The following ROR1 variants were observed in gnomAD, a reference collection of about 807,000 sequenced individuals.
ROR1 encodes inactive tyrosine-protein kinase transmembrane receptor ROR1.
A neutral mutation model predicts 78.8 loss-of-function variants in ROR1; 19 were observed. The observed-to-expected ratio is 0.24, with a 90% CI of 0.17 to 0.35. ROR1 has a LOEUF of 0.35. ROR1 is among the 10% of genes least tolerant of loss of function. The probability of loss-of-function intolerance (pLI) is 1.00; values close to 1 mark genes in which losing one functional copy is unlikely to be tolerated. For missense variants in ROR1, 917 were observed against 1,177.8 expected, an observed-to-expected ratio of 0.78 and a Z score of 3.24; for synonymous variants, 386 against 433.6, an observed-to-expected ratio of 0.89 and a Z score of 1.36.
Position 64,178,062 on chromosome 1 carries a change from A to C in ROR1, c.2021A>C (p.Asp674Ala), listed in dbSNP as rs779492358. Residue 674 changes from aspartate to alanine, a missense_variant, in exon 9 of 9, where the codon GAT becomes GCT. Asp to Ala is a moderately radical substitution (Grantham distance 126, BLOSUM62 -2). Around this residue, in one of 3 missense-constraint regions of ROR1, gnomAD observed 835 missense variants for 1,069.8 expected, o/e 0.78. Coordinates refer to ENST00000371079, the MANE Select transcript of ROR1 (RefSeq NM_005012.4). This position sits in a 1 kb window ranked among gnomAD's most constrained non-coding sequence, Gnocchi z 4.3. ...TATGGCAAATTCTCTTCTGATTCAG[A>C]TATCTGGTCCTTTGGGGTTGTCTTG... ...IMYGKFSSDS[D>A]IWSFGVVLWE... is the part of the protein sequence containing the mutation. The C allele has an allele frequency of 6.2e-7, 1 of 1,614,090 alleles. No homozygotes were observed. Among genetic ancestry groups the C allele is most frequent in the Non-Finnish European group, 8.5e-7 (1 of 1,180,026 alleles).
chr1:63,959,397 G>A (rs932075915), intron 1 of ROR1, among the ~76,000 whole-genome samples: 4 of 152,124 alleles, frequency 2.6e-5, no homozygotes, highest in African/African-American at 9.7e-5. Context: ...TGTCTCTTGT[G>A]ATTTGATCCA....
At chr1:63,839,261 T>C (rs927531839) in intron 1 of ROR1, among the ~76,000 whole-genome samples, 1 of 152,202 alleles carries the variant, frequency 6.6e-6, no homozygotes, top group Non-Finnish European at 1.5e-5. Flanking sequence ...GACAGCTGAA[T>C]TGGACGGGGA....
chr1:64,127,352 A>G (rs1056223161), intron 4 of ROR1, among the ~76,000 whole-genome samples: 2 of 152,154 alleles, frequency 1.3e-5, no homozygotes, highest in African/African-American at 4.8e-5. Context: ...AGATAATGCT[A>G]CCTACCTTGA....
chr1:63,996,541 G>A (rs1646338248), intron 1 of ROR1, among the ~76,000 whole-genome samples: 1 of 152,114 alleles, frequency 6.6e-6, no homozygotes, highest in Non-Finnish European at 1.5e-5. Context: ...TGTCTTGCAG[G>A]ATGATAGTAA....
chr1:64,160,546 G>A (rs1011831279), intron 8 of ROR1, among the ~76,000 whole-genome samples: 2 of 151,938 alleles, frequency 1.3e-5, no homozygotes, highest in Non-Finnish European at 2.9e-5. Flanking sequence ...GGGCAGGGTA[G>A]GGATTCAACT....
chr1:63,775,603 A>G (rs1305805002), intron 1 of ROR1, among the ~76,000 whole-genome samples: 4 of 152,186 alleles, frequency 2.6e-5, no homozygotes, highest in African/African-American at 9.7e-5. Context: ...GTGTTTAGGA[A>G]AAGAAAAAGT....
At chr1:63,926,393 T>C (rs1325424651) in intron 1 of ROR1, among the ~76,000 whole-genome samples, 1 of 152,214 alleles carries the variant, frequency 6.6e-6, no homozygotes, top group Non-Finnish European at 1.5e-5. Flanking sequence ...TTGGTACCAG[T>C]ACCATGCTGT....
chr1:64,060,450 G>A (rs1451437022), intron 4 of ROR1, among the ~76,000 whole-genome samples: 1 of 152,138 alleles, frequency 6.6e-6, no homozygotes, highest in Non-Finnish European at 1.5e-5. Flanking sequence ...TTTCTGCAGA[G>A]AACAAAGTGA....
chr1:64,039,599 A>G (rs1182508278), intron 2 of ROR1, among the ~76,000 whole-genome samples: 1 of 152,216 alleles, frequency 6.6e-6, no homozygotes, highest in Non-Finnish European at 1.5e-5. Flanking sequence ...CAGAGCTGAA[A>G]GCACAACTGT....
At chr1:63,874,370 G>C (rs748381224) in intron 1 of ROR1, among the ~76,000 whole-genome samples, 28 of 152,024 alleles carry the variant, frequency 1.8e-4, no homozygotes, top group Non-Finnish European at 3.4e-4. Flanking sequence ...ATTAAGAGCT[G>C]TAATTTGTGA....
chr1:63,784,905 G>A (rs894536608), intron 1 of ROR1, among the ~76,000 whole-genome samples: 2 of 152,212 alleles, frequency 1.3e-5, no homozygotes, highest in Non-Finnish European at 2.9e-5. Flanking sequence ...AGTTCTCAGC[G>A]CCTTGTTAGG....
intron 1 of ROR1, among the ~76,000 whole-genome samples, chr1:63,812,829 T>G (rs774175901): frequency 2.0e-5 from 3 of 152,112 alleles, no homozygotes; most frequent in Non-Finnish European, 2.9e-5. Flanking sequence ...AGGGAGGAAT[T>G]ATTGATCCTA....
Position 64,179,023 on chromosome 1 carries a change from A to AC in ROR1, c.*168_*169insC. On this transcript the variant is annotated 3_prime_UTR_variant, in exon 9 of 9. Coordinates refer to ENST00000371079, the MANE Select transcript of ROR1 (RefSeq NM_005012.4). ...TACCAAGCAGGACAGACACTCGGCC[A>AC]GAAAAAAAAAAAAAAAAAAAAAACA... 23 of 134,742 alleles carry AC rather than the reference A, an allele frequency of 1.7e-4. No homozygotes were observed. The highest frequency in any genetic ancestry group is 3.0e-4 in the Admixed American group (2 of 6,772). 8.3% of individuals were successfully genotyped at this position (134,742 alleles called of 1,614,324 possible). A position where few individuals can be genotyped will look rare whatever the true frequency, so the allele number is the denominator to read the frequency against.
At chr1:64,057,855 A>G (rs189205786) in intron 4 of ROR1, among the ~76,000 whole-genome samples, 1 of 152,248 alleles carries the variant, frequency 6.6e-6, no homozygotes, top group Admixed American at 6.5e-5. Context: ...TTTTAGGGTC[A>G]GCTTATTAAT....
intron 2 of ROR1, among the ~76,000 whole-genome samples, chr1:64,015,679 G>A (rs1646515558): frequency 6.6e-6 from 1 of 151,670 alleles, no homozygotes; most frequent in Non-Finnish European, 1.5e-5. Flanking sequence ...ACTGGATCTT[G>A]CCTTGGCTCT....
chr1:63,892,057 C>G (rs1453479184), intron 1 of ROR1, among the ~76,000 whole-genome samples: 1 of 152,180 alleles, frequency 6.6e-6, no homozygotes, highest in Non-Finnish European at 1.5e-5. Context: ...TTTGTCCCTA[C>G]TACTTAGTGA....
chr1:64,005,371 A>AT (rs1646419502), intron 1 of ROR1, among the ~76,000 whole-genome samples: 1 of 152,228 alleles, frequency 6.6e-6, no homozygotes, highest in African/African-American at 2.4e-5. Flanking sequence ...CACAAAATTA[A>AT]TAAGTGTCAG....
chr1:63,793,071 C>G (rs1411278353), intron 1 of ROR1, among the ~76,000 whole-genome samples: 1 of 151,806 alleles, frequency 6.6e-6, no homozygotes, highest in South Asian at 2.1e-4. Context: ...AGTAAGTGGC[C>G]TCAAATAGTG....
chr1:64,126,084 G>A (rs371706253), intron 4 of ROR1, among the ~76,000 whole-genome samples: 46 of 152,278 alleles, frequency 3.0e-4, no homozygotes, highest in African/African-American at 1.1e-3. Flanking sequence ...TCTTAAAGGA[G>A]ATAAGACTGA....
Sources: gnomAD v4.1 joint callset for allele counts (sites outside exome capture counted in the v4.1 genomes callset) on GRCh38, gnomAD v4.1.1 for gene constraint, gnomAD v4.1.1 regional missense constraint, Gnocchi (gnomAD v3.1) non-coding constraint, MANE v1.5 for transcripts, NCBI Gene and HGNC (gene_info 2026-07-23, HGNC 2026-07-21) for gene names.